Variants in USH2A observed in about 807,000 individuals in gnomAD.
The protein encoded by USH2A is Usher syndrome 2A (autosomal recessive, mild).
Under a neutral mutation model 538.9 loss-of-function variants are expected in USH2A, and 443 were observed. The ratio of observed to expected loss-of-function variants is 0.82; its 90% CI spans 0.76 to 0.89. The LOEUF is 0.89. Ranked by LOEUF, USH2A falls within the 40% of genes least tolerant of loss-of-function variation. USH2A has a pLI of 0.00. For synonymous variants in USH2A, 2,413 were observed against 2,273.5 expected, an observed-to-expected ratio of 1.06 and a Z score of -1.75; for missense variants, 6,633 against 6,324.8, an observed-to-expected ratio of 1.05 and a Z score of -1.65.
At chr1:216,012,325 T>C (rs1373310786) in intron 32 of USH2A, among the ~76,000 whole-genome samples, 1 of 152,000 alleles carries the variant, frequency 6.6e-6, no homozygotes, top group Non-Finnish European at 1.5e-5. Flanking sequence ...TCAGGGATTA[T>C]TCAGGCCCTT....
intron 3 of USH2A, among the ~76,000 whole-genome samples, chr1:216,410,834 T>C (rs2102772722): frequency 6.6e-6 from 1 of 152,216 alleles, no homozygotes; most frequent in Middle Eastern, 3.4e-3. Context: ...TAAACTCCTC[T>C]CAAAGCTGAC....
At chr1:215,670,867 C>G in intron 64 of USH2A, 105 bp downstream of exon 64, 1 of 1,161,792 alleles carries the variant, frequency 8.6e-7, no homozygotes, top group Admixed American at 1.9e-5. Context: ...CTCCTTAAGT[C>G]CTACATTTCT....
Position 215,763,699 on chromosome 1 carries a change from T to C in USH2A, c.11047+2982A>G, listed in dbSNP as rs1334228963. ...AGGTGAATAATATGACATATTCTTATTTTGTCAAAAGAGGAAAAAGAATCA... is the reference window on the plus strand; with the variant it reads ...AGGTGAATAATATGACATATTCTTACTTTGTCAAAAGAGGAAAAAGAATCA... On this transcript the variant is annotated intron_variant, in intron 56 of 71. Coordinates refer to ENST00000307340, the MANE Select transcript of USH2A (RefSeq NM_206933.4). Among the ~76,000 whole-genome samples the C allele has an allele frequency of 5.9e-5, 9 of 152,150 alleles. No homozygotes were observed. In the East Asian group the frequency reaches 1.7e-3, roughly 29 times the overall value.
Position 215,731,275 on chromosome 1 carries a change from C to T in USH2A, c.11712-2891G>A, listed in dbSNP as rs567256398. On this transcript the variant is annotated intron_variant, in intron 60 of 71. Coordinates refer to ENST00000307340, the MANE Select transcript of USH2A (RefSeq NM_206933.4). ...TGCAGCCTGGTTAAGTATTTCTTAT[C>T]GCTATTGAATCCTTGAAAAATTAAT... Among the ~76,000 whole-genome samples the T allele has an allele frequency of 1.7e-4, 26 of 152,292 alleles. No homozygotes were observed. The South Asian group carries it at 2.3e-3, about 13-fold the overall frequency.
At chr1:216,214,103 G>A (rs919132514) in intron 15 of USH2A, among the ~76,000 whole-genome samples, 2 of 152,022 alleles carry the variant, frequency 1.3e-5, no homozygotes, top group Admixed American at 6.6e-5. Context: ...TAATGTAAAT[G>A]TAAAATAATA....
At chr1:215,846,344 C>T (rs1663846195) in intron 44 of USH2A, among the ~76,000 whole-genome samples, 1 of 152,136 alleles carries the variant, frequency 6.6e-6, no homozygotes, top group South Asian at 2.1e-4. Flanking sequence ...TTCCAAGTAG[C>T]TGGGACTACA....
At position 215,817,070 on chromosome 1, in the gene USH2A, T is replaced by G; in HGVS notation, c.9497A>C (p.Glu3166Ala). The G allele has an allele frequency of 6.2e-7, 1 of 1,612,860 alleles. No individual in the cohort carries two copies. Among genetic ancestry groups the G allele is most frequent in the African/African-American group, 1.3e-5 (1 of 74,976 alleles). ...TTGACACCTCACTGCCTTGCAGAGC[T>G]CATCACTCTGATCCTGCACTAACTT... ...TQKLVQDQSDELCKAVRCQKP... is the reference protein window; with the variant it reads ...TQKLVQDQSDALCKAVRCQKP... Residue 3166 changes from glutamate (E) to alanine (A), a missense_variant, in exon 48 of 72, where the codon GAG becomes GCG. By Grantham distance (107) the Glu-to-Ala change is moderately radical. Coordinates refer to ENST00000307340, the MANE Select transcript of USH2A (RefSeq NM_206933.4).
intron 30 of USH2A, among the ~76,000 whole-genome samples, chr1:216,060,405 A>C (rs750287979): frequency 2.6e-5 from 4 of 152,202 alleles, no homozygotes; most frequent in Non-Finnish European, 4.4e-5. Flanking sequence ...TTCAGGTAAA[A>C]AAATTAAGTC....
intron 3 of USH2A, among the ~76,000 whole-genome samples, chr1:216,388,838 T>A (rs1363312392): frequency 6.6e-6 from 1 of 152,240 alleles, no homozygotes; most frequent in Non-Finnish European, 1.5e-5. Context: ...TGAGGAATTC[T>A]TGCCTTTTGT....
chr1:215,629,773 CTTTTTTTTTT>C (rs34349385), intron 70 of USH2A, among the ~76,000 whole-genome samples: 1 of 125,058 alleles, frequency 8.0e-6, no homozygotes, highest in African/African-American at 3.2e-5. Flanking sequence ...CTTTTCTTTT[CTTTTTTTTTT>C]TTTTTTTTTT....
chr1:215,731,948 T>C lies in USH2A; in HGVS notation c.11712-3564A>G, dbSNP rs1660005826. 9.8e-5 allele frequency among the ~76,000 whole-genome samples: 15 copies of C among 152,344 alleles called. 1 individual carries two copies. In the South Asian group the frequency reaches 3.1e-3, roughly 32 times the overall value. ...TGGGTGAACTTGCCTGTCTGTGTCC[T>C]CTAGTTTCTATTTCATTTTGTAAAG... On this transcript the variant is annotated intron_variant, in intron 60 of 71. Coordinates refer to ENST00000307340, the MANE Select transcript of USH2A (RefSeq NM_206933.4).
chr1:216,250,889 T>G lies in USH2A; in HGVS notation c.2167+14A>C. On this transcript the variant is annotated intron_variant, in intron 12 of 71. Transcript: ENST00000307340. ...TAATAGAGATGTGACTGTAAACTTT[T>G]GCGTTACACGTACCAATAACGTTTG... is the stretch of plus-strand genomic sequence containing the variant. 1.2e-6 allele frequency: 2 copies of G among 1,613,528 alleles called. No individual in the cohort carries two copies. Among genetic ancestry groups the G allele is most frequent in the Non-Finnish European group, 1.7e-6 (2 of 1,179,706 alleles).
chr1:216,398,079 C>T (rs2039245104), intron 3 of USH2A, among the ~76,000 whole-genome samples: 2 of 152,188 alleles, frequency 1.3e-5, no homozygotes. Flanking sequence ...TTACCTCCCA[C>T]AATTTTAGCC....
chr1:215,700,748 C>A (rs1448539526), intron 61 of USH2A, among the ~76,000 whole-genome samples: 2 of 151,976 alleles, frequency 1.3e-5, no homozygotes, highest in East Asian at 3.9e-4. Flanking sequence ...TTAATCTTTT[C>A]AAAAATCCAG....
chr1:216,330,148 G>T (rs116063546), intron 4 of USH2A, among the ~76,000 whole-genome samples: 1 of 151,970 alleles, frequency 6.6e-6, no homozygotes, highest in Non-Finnish European at 1.5e-5. Flanking sequence ...ATTCTTTTAC[G>T]TATTGATTCA....
chr1:215,776,538 CT>C (rs2102757711), intron 55 of USH2A, among the ~76,000 whole-genome samples: 1 of 152,256 alleles, frequency 6.6e-6, no homozygotes, highest in East Asian at 1.9e-4. Flanking sequence ...AAGGTGCTCC[CT>C]TTCCCTCCTG....
chr1:215,716,202 C>T (rs926760056), intron 61 of USH2A, among the ~76,000 whole-genome samples: 21 of 81,686 alleles, frequency 2.6e-4, no homozygotes, highest in African/African-American at 8.4e-4. Context: ...GGAAGGGGGG[C>T]GGGGGGGCCC....
At position 216,217,372 on chromosome 1, in the gene USH2A, C is replaced by T; in HGVS notation, c.3157+15G>A. ...TGCTGCTTCACACACCAGCACTGAA[C>T]CAGAGTTCACTTACTTTTGCTGCAA... On this transcript the variant is annotated intron_variant, in intron 15 of 71. Transcript: ENST00000307340. 3.1e-6 allele frequency: 5 copies of T among 1,612,460 alleles called. No homozygotes were observed. Among genetic ancestry groups the T allele is most frequent in the Non-Finnish European group, 4.2e-6 (5 of 1,179,022 alleles).
chr1:215,927,625 G>A (rs987739413), intron 38 of USH2A, among the ~76,000 whole-genome samples: 1 of 152,020 alleles, frequency 6.6e-6, no homozygotes, highest in African/African-American at 2.4e-5. Flanking sequence ...ACTAGAAGGG[G>A]AACAGTGGGA....
Sources: gnomAD v4.1 joint callset for allele counts (sites outside exome capture counted in the v4.1 genomes callset) on GRCh38, gnomAD v4.1.1 for gene constraint, MANE v1.5 for transcripts, NCBI Gene and HGNC (gene_info 2026-07-23, HGNC 2026-07-21) for gene names.